CALN1: variants seen among roughly 807,000 people sequenced by gnomAD.
The protein encoded by CALN1 is calneuron 1.
In CALN1, 17 loss-of-function variants were observed where a neutral mutation model predicts 30.6. The ratio of observed to expected loss-of-function variants is 0.56; its 90% CI spans 0.38 to 0.83. The LOEUF is 0.83. Ranked by LOEUF, CALN1 falls within the 40% of genes least tolerant of loss-of-function variation. CALN1 has a pLI of 0.00. For missense variants in CALN1, 291 were observed against 354.9 expected, an observed-to-expected ratio of 0.82 and a Z score of 1.45; for synonymous variants, 156 against 131.4, an observed-to-expected ratio of 1.19 and a Z score of -1.28.
chr7:72,273,769 C>G (rs978303850), intron 3 of CALN1, among the ~76,000 whole-genome samples: 3 of 151,944 alleles, frequency 2.0e-5, no homozygotes, highest in African/African-American at 7.3e-5. Flanking sequence ...CCTCAGCCTC[C>G]CAAAGTGCTG....
At chr7:72,218,078 G>A (rs373291260) in intron 3 of CALN1, among the ~76,000 whole-genome samples, 5 of 151,284 alleles carry the variant, frequency 3.3e-5, no homozygotes, top group East Asian at 4.0e-4. Flanking sequence ...TCCTGACCTC[G>A]TGATCCGCCC....
chr7:72,450,887 T>C (rs1208121327), upstream of CALN1, among the ~76,000 whole-genome samples: 1 of 151,970 alleles, frequency 6.6e-6, no homozygotes, highest in Non-Finnish European at 1.5e-5. Context: ...TTTTTTGAGA[T>C]TAGAGGATCC....
chr7:72,108,240 A>G (rs1807315737), intron 3 of CALN1, among the ~76,000 whole-genome samples: 2 of 152,214 alleles, frequency 1.3e-5, no homozygotes, highest in African/African-American at 4.8e-5. Context: ...CTGCTCTTAA[A>G]GGACACTTCT....
chr7:72,336,869 C>CCGGCATCCT, intron 2 of CALN1: 6 of 985,050 alleles, frequency 6.1e-6, no homozygotes, highest in Non-Finnish European at 7.2e-6. Context: ...CGTCCCCGTG[C>CCGGCATCCT]CGGCATCCTC....
chr7:72,408,004 C>G (rs1289136831), intron 1 of CALN1, among the ~76,000 whole-genome samples: 2 of 152,152 alleles, frequency 1.3e-5, no homozygotes, highest in Non-Finnish European at 2.9e-5. Context: ...TTCTGTGGCA[C>G]TAGGTATGCA....
intron 1 of CALN1, among the ~76,000 whole-genome samples, chr7:72,403,834 G>A (rs1439797832): frequency 6.6e-6 from 1 of 152,154 alleles, no homozygotes; most frequent in Admixed American, 6.5e-5. Flanking sequence ...GCTGACACCA[G>A]GAAAGCCACA....
the CALN1 span, among the ~76,000 whole-genome samples, chr7:72,500,269 CTTTTTTTTTTTT>C: frequency 0.18 from 9,065 of 51,074 alleles, 516 homozygotes; most frequent in African/African-American, 0.27. Context: ...TTCGTTCCTT[CTTTTTTTTTTTT>C]TTTTTTTTTT....
At chr7:72,294,581 C>T (rs895528281) in intron 2 of CALN1, among the ~76,000 whole-genome samples, 1 of 151,974 alleles carries the variant, frequency 6.6e-6, no homozygotes, top group Non-Finnish European at 1.5e-5. Flanking sequence ...GAAACCTCAT[C>T]TCTATGAAAA....
intron 2 of CALN1, among the ~76,000 whole-genome samples, chr7:72,288,205 C>T (rs1186804686): frequency 6.6e-6 from 1 of 152,036 alleles, no homozygotes; most frequent in African/African-American, 2.4e-5. Context: ...ACTCACATAG[C>T]TTTGTTCACG....
chr7:71,911,451 G>A (rs897592005), intron 5 of CALN1, among the ~76,000 whole-genome samples: 4 of 152,226 alleles, frequency 2.6e-5, no homozygotes, highest in Non-Finnish European at 5.9e-5. Flanking sequence ...TAGTTTGTTT[G>A]AGACCAGTTG....
intron 3 of CALN1, among the ~76,000 whole-genome samples, chr7:72,259,606 G>A (rs1321301445): frequency 6.6e-6 from 1 of 152,148 alleles, no homozygotes; most frequent in East Asian, 1.9e-4. Flanking sequence ...TATGAGTTGT[G>A]TGACTTGGCC....
At chr7:72,441,692 C>T (rs1441481334) in intron 1 of CALN1, among the ~76,000 whole-genome samples, 2 of 151,684 alleles carry the variant, frequency 1.3e-5, no homozygotes, top group East Asian at 3.9e-4. Context: ...CAGGGCGAAT[C>T]GTCTTGAACA....
At chr7:71,800,410 C>T (rs1017278475) in intron 6 of CALN1, among the ~76,000 whole-genome samples, 1 of 152,108 alleles carries the variant, frequency 6.6e-6, no homozygotes, top group Non-Finnish European at 1.5e-5. Flanking sequence ...CATATGGAAG[C>T]GCTGAGTGAT....
At chr7:71,814,366 C>G (rs148859425) in intron 5 of CALN1, among the ~76,000 whole-genome samples, 1,652 of 152,162 alleles carry the variant, frequency 0.011, 45 homozygotes, top group Admixed American at 0.066. Flanking sequence ...AGAGCCACAT[C>G]CAGATTTGAT....
At chr7:71,995,859 C>T (rs975353100) in intron 5 of CALN1, among the ~76,000 whole-genome samples, 8 of 152,058 alleles carry the variant, frequency 5.3e-5, no homozygotes, top group South Asian at 2.1e-4. Flanking sequence ...ACCACAAGTG[C>T]GTGGCCTGGG....
intron 5 of CALN1, among the ~76,000 whole-genome samples, chr7:71,960,042 G>C (rs1470096789): frequency 2.0e-5 from 3 of 151,624 alleles, no homozygotes; most frequent in Non-Finnish European, 4.4e-5. Flanking sequence ...ACTGAGGGAG[G>C]AGAATCATTG....
At chr7:71,853,982 ACT>A (rs1173827535) in intron 5 of CALN1, among the ~76,000 whole-genome samples, 3 of 151,970 alleles carry the variant, frequency 2.0e-5, no homozygotes, top group East Asian at 1.9e-4. Flanking sequence ...TTGTGAAGAT[ACT>A]CTGTTTTCTT....
chr7:72,224,791 A>T (rs1793550425), intron 3 of CALN1, among the ~76,000 whole-genome samples: 1 of 151,898 alleles, frequency 6.6e-6, no homozygotes, highest in Non-Finnish European at 1.5e-5. Context: ...AAAATTAAAA[A>T]AAAAGAGCAG....
intron 5 of CALN1, among the ~76,000 whole-genome samples, chr7:71,889,166 C>T (rs1793092890): frequency 6.6e-6 from 1 of 152,178 alleles, no homozygotes; most frequent in African/African-American, 2.4e-5. Context: ...AGATTCTAAA[C>T]AACTGACATT....
Sources: gnomAD v4.1 joint callset for allele counts (sites outside exome capture counted in the v4.1 genomes callset) on GRCh38, gnomAD v4.1.1 for gene constraint, MANE v1.5 for transcripts, NCBI Gene and HGNC (gene_info 2026-07-23, HGNC 2026-07-21) for gene names.